PRKCA: variants seen among roughly 807,000 people sequenced by gnomAD.
PRKCA encodes protein kinase C alpha, also known as protein kinase C alpha type.
In PRKCA, 27 loss-of-function variants were observed where a neutral mutation model predicts 87.0. The ratio of observed to expected loss-of-function variants is 0.31; its 90% confidence interval spans 0.23 to 0.43. PRKCA has a LOEUF of 0.43. PRKCA is among the 20% of genes least tolerant of loss of function. PRKCA has a pLI of 1.00. For missense variants in PRKCA, 518 were observed against 852.3 expected, an observed-to-expected ratio of 0.61 and a Z score of 4.88; for synonymous variants, 329 against 311.1, an observed-to-expected ratio of 1.06 and a Z score of -0.61.
rs770393610 is a variant in PRKCA, at chr17:66,458,519, C to T, written c.206-37682C>T. Among the ~76,000 whole-genome samples the T allele has an allele frequency of 2.8e-4, 43 of 151,486 alleles. No homozygotes were observed. In the South Asian group the frequency reaches 5.0e-3, roughly 18 times the overall value. ...TTTTGAGACGGGGTTTCTATTCTGT[C>T]GCCCAGGCTGGAGTGTAGTGGTGCA... is the stretch of plus-strand genomic sequence containing the variant. On this transcript the variant is annotated intron_variant, in intron 2 of 16. Transcript: ENST00000413366.
At chr17:66,624,869 A>T (rs928790359) in intron 3 of PRKCA, among the ~76,000 whole-genome samples, 2 of 152,126 alleles carry the variant, frequency 1.3e-5, no homozygotes, top group Non-Finnish European at 2.9e-5. Flanking sequence ...AAAAAATTAT[A>T]AATGAATTAA....
rs111374219 is a variant in PRKCA, at chr17:66,627,813, C to T, written c.289-13542C>T. 1.3e-3 allele frequency among the ~76,000 whole-genome samples: 204 copies of T among 152,224 alleles called. 1 individual carries two copies. The highest frequency in any genetic ancestry group is 4.8e-3 in the African/African-American group (201 of 41,550). On this transcript the variant is annotated intron_variant, in intron 3 of 16. Transcript: ENST00000413366. ...ATGGTTGGAAATTCAGTATCCCCCC[C>T]CAAAAAATTGAACCTTCATAGTTTC...
rs1913273446 is a variant in PRKCA at position 66,434,615 on chromosome 17, G to C, written c.206-61586G>C. Among the ~76,000 whole-genome samples the C allele has an allele frequency of 3.3e-5, 5 of 149,880 alleles. No homozygotes were observed. The Admixed American group carries it at 3.4e-4, about 10-fold the overall frequency. ...TTTGCTATGGTGATCTGGAAGCACA[G>C]AGCCAGATGTGTAGCTGCTTCTTTG... On this transcript the variant is annotated intron_variant, in intron 2 of 16. Transcript: ENST00000413366.
rs1040323782 is a variant in PRKCA, at chr17:66,808,098, G to A, written c.*4061G>A. ...CCTTTCCCCTCCCCACCTTGAAGTA[G>A]CTCATAGTTCTCTGGGCAGAGCCAG... On this transcript the variant is annotated 3_prime_UTR_variant, in exon 17 of 17. Coordinates refer to ENST00000413366, the MANE Select transcript of PRKCA (RefSeq NM_002737.3). 4 of 152,134 alleles carry A rather than the reference G, an allele frequency of 2.6e-5. No homozygotes were observed. The highest frequency in any genetic ancestry group is 4.4e-5 in the Non-Finnish European group (3 of 68,068). The allele number at this position is 152,134 out of a possible 1,614,324, so 9.4% of individuals were successfully genotyped here. A position where few individuals can be genotyped will look rare whatever the true frequency, so the allele number is the denominator to read the frequency against.
At chr17:66,749,416 A>AG (rs34323347) in intron 13 of PRKCA, among the ~76,000 whole-genome samples, 1 of 151,878 alleles carries the variant, frequency 6.6e-6, no homozygotes, top group Non-Finnish European at 1.5e-5. Context: ...GTCCCACCCC[A>AG]GGCATCTGCT....
intron 3 of PRKCA, among the ~76,000 whole-genome samples, chr17:66,617,284 T>C (rs1045743213): frequency 2.6e-5 from 4 of 152,154 alleles, no homozygotes; most frequent in African/African-American, 9.7e-5. Flanking sequence ...ATGTTTATAA[T>C]CTAGTTTAGG....
intron 2 of PRKCA, among the ~76,000 whole-genome samples, chr17:66,436,429 G>A (rs750944714): frequency 1.3e-5 from 2 of 152,184 alleles, no homozygotes; most frequent in African/African-American, 2.4e-5. Context: ...ACCTCAGAAG[G>A]TGGTGGCGAG....
chr17:66,304,340 G>C (rs1384889144), intron 1 of PRKCA, among the ~76,000 whole-genome samples: 1 of 152,198 alleles, frequency 6.6e-6, no homozygotes, highest in East Asian at 1.9e-4. Context: ...TTGAAAGCTG[G>C]AACTAAAGGA....
At chr17:66,786,721 C>T (rs1226702788) in intron 14 of PRKCA, 146 bp from the exon 15 acceptor site, 5 of 609,298 alleles carry the variant, frequency 8.2e-6, no homozygotes, top group Admixed American at 2.9e-5. Flanking sequence ...TCAAATAAAC[C>T]GTCAAGTTAG....
At chr17:66,401,903 C>A (rs1911058889) in intron 2 of PRKCA, among the ~76,000 whole-genome samples, 1 of 152,098 alleles carries the variant, frequency 6.6e-6, no homozygotes, top group Admixed American at 6.5e-5. Flanking sequence ...ATGGTGATGT[C>A]CAGTTCACCT....
chr17:66,439,223 C>G (rs564799450), intron 2 of PRKCA, among the ~76,000 whole-genome samples: 4 of 151,928 alleles, frequency 2.6e-5, no homozygotes, highest in Non-Finnish European at 1.5e-5. Context: ...CTTTGTTGTC[C>G]AGGCTGGAGT....
At chr17:66,471,768 T>C (rs373530568) in intron 2 of PRKCA, among the ~76,000 whole-genome samples, 3 of 152,150 alleles carry the variant, frequency 2.0e-5, no homozygotes, top group Admixed American at 6.5e-5. Flanking sequence ...CCTTTATTAC[T>C]GTGCTGCCCT....
rs541899993 is a variant in PRKCA, at chr17:66,310,103, T to G, written c.205+3976T>G. Among the ~76,000 whole-genome samples the G allele has an allele frequency of 1.9e-4, 29 of 152,310 alleles. No homozygotes were observed. In the South Asian group the frequency reaches 5.4e-3, roughly 28 times the overall value. On this transcript the variant is annotated intron_variant, in intron 2 of 16. Coordinates refer to ENST00000413366, the MANE Select transcript of PRKCA (RefSeq NM_002737.3). ...GAGCAACACCCATGCACTTCTCTAA[T>G]TACAGTGGTAGAAACAGCCTCTCAA... is the stretch of plus-strand genomic sequence containing the variant.
intron 3 of PRKCA, among the ~76,000 whole-genome samples, chr17:66,628,384 T>C (rs746230149): frequency 4.6e-5 from 7 of 152,066 alleles, no homozygotes; most frequent in Non-Finnish European, 5.9e-5. Context: ...TGTGAATGTA[T>C]GATGAAATAT....
chr17:66,442,724 G>A (rs1349641900), intron 2 of PRKCA, among the ~76,000 whole-genome samples: 2 of 152,188 alleles, frequency 1.3e-5, no homozygotes, highest in Admixed American at 1.3e-4. Flanking sequence ...GAGGCCAGGG[G>A]CTGTTTTGTT....
intron 2 of PRKCA, among the ~76,000 whole-genome samples, chr17:66,332,695 A>ATTT (rs11405379): frequency 1.4e-5 from 2 of 142,994 alleles, no homozygotes; most frequent in East Asian, 2.1e-4. Flanking sequence ...TTTGTTTTTA[A>ATTT]TTTTTTTTTT....
In PRKCA at chr17:66,662,682, C is replaced by T. The variant is rs114391677; in HGVS notation, c.529+17171C>T. Among the ~76,000 whole-genome samples the T allele has an allele frequency of 5.0e-3, 746 of 149,900 alleles. 6 individuals carry two copies. Among genetic ancestry groups the T allele is most frequent in the African/African-American group, 0.017 (694 of 40,700 alleles). On this transcript the variant is annotated intron_variant, in intron 5 of 16. Coordinates refer to ENST00000413366, the MANE Select transcript of PRKCA (RefSeq NM_002737.3). ...GTTTTGGTTTGATTTTGATTGTGGTCGAGATAAGAGGCTTTTCCAGGTGAA... is the reference window on the plus strand; with the variant it reads ...GTTTTGGTTTGATTTTGATTGTGGTTGAGATAAGAGGCTTTTCCAGGTGAA...
intron 2 of PRKCA, among the ~76,000 whole-genome samples, chr17:66,406,585 G>GTTTTTTTTTTGTTTTTTTTTTTTTT (rs1911401335): frequency 1.4e-5 from 1 of 70,178 alleles, no homozygotes; most frequent in Non-Finnish European, 2.7e-5. Flanking sequence ...GCTTTTCCAG[G>GTTTTTTTTTTGTTTTTTTTTTTTTT]TTTTTTTTTT....
intron 3 of PRKCA, among the ~76,000 whole-genome samples, chr17:66,553,522 C>T (rs1323029879): frequency 6.6e-6 from 1 of 152,280 alleles, no homozygotes; most frequent in South Asian, 2.1e-4. Context: ...GACTAGATTT[C>T]GCGACTTGCT....
Sources: gnomAD v4.1 joint callset for allele counts (sites outside exome capture counted in the v4.1 genomes callset) on GRCh38, gnomAD v4.1.1 for gene constraint, MANE v1.5 for transcripts, NCBI Gene and HGNC (gene_info 2026-07-23, HGNC 2026-07-21) for gene names.